PALS1: variants seen among roughly 807,000 people sequenced by gnomAD.
The protein encoded by PALS1 is protein associated with LIN7 1, MAGUK p55 family member, also known as protein PALS1.
PALS1 carries 31 observed loss-of-function variants against 78.9 expected under a neutral mutation model. That is an observed-to-expected ratio of 0.39 (90% CI 0.30 to 0.53). The LOEUF (loss-of-function observed/expected upper bound fraction) is 0.53, where lower values mean the gene tolerates loss of function less well. Among genes scored for constraint, PALS1 ranks in the 20% least tolerant of loss-of-function variants. The pLI, the probability that PALS1 is intolerant of heterozygous loss-of-function variation, is 0.67. For missense variants in PALS1, 704 were observed against 826.5 expected (o/e 0.85, Z 1.82); for synonymous variants, 276 against 270.9 (o/e 1.02, Z -0.18).
chr14:67,283,668 G>C (rs2084635454), intron 3 of PALS1, among the ~76,000 whole-genome samples: 3 of 152,002 alleles, frequency 2.0e-5, no homozygotes, highest in Non-Finnish European at 2.9e-5. Context: ...TTGAAGTGTT[G>C]GGATCATTTG....
chr14:67,293,774 C>T (rs528665672), intron 4 of PALS1, among the ~76,000 whole-genome samples: 7 of 152,086 alleles, frequency 4.6e-5, no homozygotes, highest in East Asian at 1.9e-4. Context: ...GTTTCAAATC[C>T]GGTTGGGAAG....
At chr14:67,321,322 T>A in intron 13 of PALS1, 63 bp downstream of exon 13, 3 of 1,517,934 alleles carry the variant, frequency 2.0e-6, no homozygotes, top group Non-Finnish European at 2.7e-6. Flanking sequence ...AGTAATCTAG[T>A]GGAAGCTATA....
chr14:67,331,523 G>C (rs2085449061), intron 14 of PALS1, among the ~76,000 whole-genome samples: 1 of 152,118 alleles, frequency 6.6e-6, no homozygotes, highest in Non-Finnish European at 1.5e-5. Context: ...GAAGGCTTGA[G>C]AGTGGCTATC....
At chr14:67,287,473 AAAG>A (rs1368607698) in intron 3 of PALS1, among the ~76,000 whole-genome samples, 1 of 152,226 alleles carries the variant, frequency 6.6e-6, no homozygotes, top group Non-Finnish European at 1.5e-5. Flanking sequence ...AAAATGGATG[AAAG>A]AAGAAATTCA....
At chr14:67,296,034 T>C (rs912631966) in intron 4 of PALS1, among the ~76,000 whole-genome samples, 5 of 152,138 alleles carry the variant, frequency 3.3e-5, no homozygotes, top group African/African-American at 1.2e-4. Flanking sequence ...TGAGAAGTGC[T>C]ATGATGGCAA....
At chr14:67,278,335 C>G (rs1413002362) in intron 2 of PALS1, among the ~76,000 whole-genome samples, 1 of 150,260 alleles carries the variant, frequency 6.7e-6, no homozygotes, top group East Asian at 1.9e-4. Flanking sequence ...TGCACCCGGC[C>G]CAATTCTTTT....
chr14:67,317,673 C>G (rs553110389), intron 11 of PALS1, among the ~76,000 whole-genome samples, 194 bp downstream of exon 11: 2 of 152,170 alleles, frequency 1.3e-5, no homozygotes, highest in Non-Finnish European at 2.9e-5. Context: ...TACTATTTAG[C>G]ATATGTAGTA....
chr14:67,314,656 G>C (rs1330673812), intron 9 of PALS1, among the ~76,000 whole-genome samples: 4 of 152,204 alleles, frequency 2.6e-5, no homozygotes, highest in Admixed American at 2.6e-4. Flanking sequence ...TAAATGTTTA[G>C]AACTAGTGTT....
At position 67,316,861 on chromosome 14, in the gene PALS1, A is replaced by G. The variant is rs781419013; in HGVS notation, c.1255A>G (p.Met419Val). 1.2e-6 allele frequency: 2 copies of G among 1,612,760 alleles called. No individual in the cohort carries two copies. The highest frequency in any genetic ancestry group is 1.3e-5 in the African/African-American group (1 of 74,902). Residue 419 changes from methionine to valine, a missense_variant, in exon 10 of 15, where the codon ATG (methionine) becomes GTG (valine). Transcript: ENST00000261681. ...GKSFQQQREAMKQTIEEDKEP... is the reference protein window; with the variant it reads ...GKSFQQQREAVKQTIEEDKEP... ...AAGCTTTCAGCAGCAAAGGGAAGCC[A>G]TGAAACAAACCATAGAAGAAGATAA...
At position 67,332,978 on chromosome 14, in the gene PALS1, A is replaced by T; in HGVS notation, c.*22A>T. ...GTGAAAGAAACATCCATTCTGTGGC[A>T]TGTTGGACTTGATCTGGCAAAAACT... is the stretch of plus-strand genomic sequence containing the variant. On this transcript the variant is annotated 3_prime_UTR_variant, in exon 15 of 15. Transcript: ENST00000261681. The T allele has an allele frequency of 6.3e-7, 1 of 1,588,400 alleles. No homozygotes were observed. Among genetic ancestry groups the T allele is most frequent in the South Asian group, 1.1e-5 (1 of 88,552 alleles).
chr14:67,320,266 T>C lies in PALS1; in HGVS notation c.1406T>C (p.Met469Thr), dbSNP rs757619286. ...DNEEILTYEEMSLYHQPANRK... is the reference protein window; with the variant it reads ...DNEEILTYEETSLYHQPANRK... ...GAGGAGATCTTAACCTATGAGGAAA[T>C]GTCACTTTATCATCAGCCAGCAAAT... The change falls in exon 12 of 15, where the codon ATG becomes ACG. Residue 469 changes from methionine to threonine, a missense_variant. Coordinates refer to ENST00000261681, the MANE Select transcript of PALS1 (RefSeq NM_022474.4). 2 of 1,613,522 alleles carry C rather than the reference T, an allele frequency of 1.2e-6. No homozygotes were observed. The highest frequency in any genetic ancestry group is 1.7e-6 in the Non-Finnish European group (2 of 1,179,784).
chr14:67,241,717 G>A (rs879931167), intron 1 of PALS1, 184 bp downstream of exon 1: 3 of 152,308 alleles, frequency 2.0e-5, no homozygotes, highest in Admixed American at 1.3e-4. Context: ...GGCCGTGGAG[G>A]GTGTGAGCCC....
intron 3 of PALS1, among the ~76,000 whole-genome samples, chr14:67,286,533 A>G (rs2084690483): frequency 6.6e-6 from 1 of 152,170 alleles, no homozygotes; most frequent in African/African-American, 2.4e-5. Context: ...CCATCAAAGA[A>G]TGGAACATTT....
intron 1 of PALS1, among the ~76,000 whole-genome samples, chr14:67,266,547 A>T (rs1347904529): frequency 6.6e-6 from 1 of 152,054 alleles, no homozygotes; most frequent in Non-Finnish European, 1.5e-5. Context: ...GCTGGTCTCA[A>T]ACTGCTGACC....
intron 2 of PALS1, among the ~76,000 whole-genome samples, chr14:67,274,737 A>T (rs547756656): frequency 6.6e-6 from 1 of 152,268 alleles, no homozygotes; most frequent in East Asian, 1.9e-4. Context: ...CACGATATTG[A>T]TTCTTCCCAT....
intron 9 of PALS1, among the ~76,000 whole-genome samples, chr14:67,313,834 T>C (rs2085130044): frequency 6.6e-6 from 1 of 152,174 alleles, no homozygotes; most frequent in African/African-American, 2.4e-5. Context: ...GTCTCTGTTA[T>C]AATTCTTTCT....
chr14:67,254,024 A>AG, intron 1 of PALS1, among the ~76,000 whole-genome samples: 1 of 114,158 alleles, frequency 8.8e-6, no homozygotes, highest in African/African-American at 4.1e-5. Flanking sequence ...CCTTATATTC[A>AG]TCCCCCCCCC....
intron 1 of PALS1, among the ~76,000 whole-genome samples, chr14:67,249,891 T>C (rs2084041963): frequency 6.6e-6 from 1 of 152,228 alleles, no homozygotes; most frequent in Non-Finnish European, 1.5e-5. Flanking sequence ...TTCCTATGAA[T>C]GTAGTGAGCT....
At chr14:67,312,392 A>G (rs1057237346) in intron 8 of PALS1, 135 bp from the exon 9 acceptor site, 2 of 562,332 alleles carry the variant, frequency 3.6e-6, no homozygotes, top group African/African-American at 3.9e-5. Flanking sequence ...ATCCTGGACA[A>G]CATACTGAGA....
Sources: gnomAD v4.1 joint callset for allele counts (sites outside exome capture counted in the v4.1 genomes callset) on GRCh38, gnomAD v4.1.1 for gene constraint, MANE v1.5 for transcripts, NCBI Gene and HGNC (gene_info 2026-07-23, HGNC 2026-07-21) for gene names.